The following MCUB variants were observed in gnomAD, a reference collection of about 807,000 sequenced individuals.
The protein encoded by MCUB is mitochondrial calcium uniporter dominant negative subunit beta, also known as calcium uniporter regulatory subunit MCUb, mitochondrial.
Under a neutral mutation model 41.4 loss-of-function variants are expected in MCUB, and 46 were observed. The ratio of observed to expected loss-of-function variants is 1.11; its 90% CI spans 0.88 to 1.42. The LOEUF is 1.42. Ranked by LOEUF, MCUB falls within the 40% of genes most tolerant of loss-of-function variation. The probability of loss-of-function intolerance (pLI) is 0.00; values close to 1 mark genes in which losing one functional copy is unlikely to be tolerated. For missense variants in MCUB, 403 were observed against 404.9 expected (o/e 1.00, Z 0.04); for synonymous variants, 148 against 148.2 (o/e 1.00, Z 0.01).
chr4:109,684,911 A>T (rs561603998), intron 6 of MCUB: 17 of 350,396 alleles, frequency 4.9e-5, no homozygotes, highest in South Asian at 2.4e-4. Flanking sequence ...CCTCATTTAT[A>T]AAAAAAACTG....
At chr4:109,673,615 T>TTA (rs1188793087) in intron 4 of MCUB, among the ~76,000 whole-genome samples, 1 of 152,196 alleles carries the variant, frequency 6.6e-6, no homozygotes, top group Non-Finnish European at 1.5e-5. Flanking sequence ...AAAATGAAAT[T>TTA]TATAAAATTA....
At chr4:109,641,317 G>T (rs1728710653) in intron 1 of MCUB, among the ~76,000 whole-genome samples, 1 of 149,952 alleles carries the variant, frequency 6.7e-6, no homozygotes. Flanking sequence ...TGTTAGCCAG[G>T]ATGGTCTCGA....
intron 1 of MCUB, among the ~76,000 whole-genome samples, chr4:109,604,439 A>T (rs1164504566): frequency 2.0e-5 from 3 of 152,202 alleles, no homozygotes. Context: ...GCTTTTCCAG[A>T]TATAAAATCA....
At chr4:109,657,772 A>G (rs1579087240) in intron 1 of MCUB, among the ~76,000 whole-genome samples, 1 of 152,242 alleles carries the variant, frequency 6.6e-6, no homozygotes, top group African/African-American at 2.4e-5. Flanking sequence ...TGTAAACACA[A>G]ACACCAATGC....
intron 1 of MCUB, among the ~76,000 whole-genome samples, chr4:109,584,713 C>T (rs555978312): frequency 2.0e-5 from 3 of 152,118 alleles, no homozygotes; most frequent in Non-Finnish European, 4.4e-5. Flanking sequence ...GTTATTTACC[C>T]AGTAGTCATT....
rs533476635 is a variant in MCUB at position 109,619,169 on chromosome 4, C to T, written c.100-39842C>T. On this transcript the variant is annotated intron_variant, in intron 1 of 7. Transcript: ENST00000394650. ...GCAACTTCTGCCTCCCAGGTTCAAG[C>T]GATTCTCCTGCCTCAGCCTCCTCAG... Among the ~76,000 whole-genome samples, 175 of 152,132 alleles carry T rather than the reference C, an allele frequency of 1.2e-3. 2 individuals are homozygous for T. The highest frequency in any genetic ancestry group is 3.9e-3 in the African/African-American group (162 of 41,514).
At chr4:109,588,588 T>G (rs1269728355) in intron 1 of MCUB, among the ~76,000 whole-genome samples, 1 of 152,198 alleles carries the variant, frequency 6.6e-6, no homozygotes, top group Non-Finnish European at 1.5e-5. Context: ...TTGCTGCCAC[T>G]CTCACCCCCA....
At chr4:109,679,224 C>T (rs1210051103) in intron 4 of MCUB, among the ~76,000 whole-genome samples, 1 of 152,218 alleles carries the variant, frequency 6.6e-6, no homozygotes, top group East Asian at 1.9e-4. Flanking sequence ...GGCAGAGACA[C>T]TCCTTACTTC....
At chr4:109,569,537 T>C (rs1445383820) in intron 1 of MCUB, among the ~76,000 whole-genome samples, 4 of 127,044 alleles carry the variant, frequency 3.1e-5, no homozygotes, top group Non-Finnish European at 6.3e-5. Context: ...GGAGTCTCAC[T>C]CTGTTGCCCA....
intron 1 of MCUB, among the ~76,000 whole-genome samples, chr4:109,655,010 T>G (rs1256116303): frequency 6.6e-6 from 1 of 152,186 alleles, no homozygotes; most frequent in African/African-American, 2.4e-5. Flanking sequence ...TTATAAGTCC[T>G]GGGCCTCTCA....
intron 4 of MCUB, among the ~76,000 whole-genome samples, chr4:109,670,076 G>A (rs1361195919): frequency 6.6e-6 from 1 of 152,190 alleles, no homozygotes; most frequent in Non-Finnish European, 1.5e-5. Context: ...AGTAAGTCTT[G>A]TAATTTTATG....
chr4:109,658,262 CT>C (rs1729148683), intron 1 of MCUB, among the ~76,000 whole-genome samples: 1 of 152,004 alleles, frequency 6.6e-6, no homozygotes, highest in Non-Finnish European at 1.5e-5. Context: ...AAAATGCAGA[CT>C]GGAATTCAGT....
At chr4:109,612,845 G>T (rs375605201) in intron 1 of MCUB, among the ~76,000 whole-genome samples, 76 of 152,248 alleles carry the variant, frequency 5.0e-4, no homozygotes, top group African/African-American at 1.7e-3. Context: ...GGTGTCTCAC[G>T]CCTGTAATCC....
At chr4:109,679,507 G>A (rs548604745) in intron 4 of MCUB, among the ~76,000 whole-genome samples, 1 of 152,304 alleles carries the variant, frequency 6.6e-6, no homozygotes, top group African/African-American at 2.4e-5. Context: ...CCAGTCAGGA[G>A]TGGCAGCACG....
chr4:109,636,564 G>A (rs12331637), intron 1 of MCUB, among the ~76,000 whole-genome samples: 3,427 of 152,332 alleles, frequency 0.022, 116 homozygotes, highest in African/African-American at 0.079. Context: ...GCCGGGCACA[G>A]TGGCTCACAC....
At chr4:109,592,614 A>G (rs955028972) in intron 1 of MCUB, among the ~76,000 whole-genome samples, 2 of 152,148 alleles carry the variant, frequency 1.3e-5, no homozygotes, top group Admixed American at 6.5e-5. Context: ...ACTATATTTA[A>G]TCATTTACTC....
At chr4:109,589,319 G>C (rs559741621) in intron 1 of MCUB, among the ~76,000 whole-genome samples, 4 of 152,158 alleles carry the variant, frequency 2.6e-5, no homozygotes, top group African/African-American at 7.2e-5. Context: ...GCTTGGTTTA[G>C]CTCATCATCT....
intron 1 of MCUB, among the ~76,000 whole-genome samples, chr4:109,610,911 A>G (rs1345409215): frequency 1.3e-5 from 2 of 152,210 alleles, no homozygotes; most frequent in African/African-American, 4.8e-5. Flanking sequence ...AAAGATGAGT[A>G]TCTTCTCCCG....
chr4:109,640,967 C>G (rs1728700338), intron 1 of MCUB, among the ~76,000 whole-genome samples: 1 of 152,184 alleles, frequency 6.6e-6, no homozygotes, highest in Non-Finnish European at 1.5e-5. Context: ...AGATATGCCA[C>G]TCTTCCTTTC....
Sources: gnomAD v4.1 joint callset for allele counts (sites outside exome capture counted in the v4.1 genomes callset) on GRCh38, gnomAD v4.1.1 for gene constraint, MANE v1.5 for transcripts, NCBI Gene and HGNC (gene_info 2026-07-23, HGNC 2026-07-21) for gene names.